Variants in KRCC1 observed in about 807,000 individuals in gnomAD.
The protein encoded by KRCC1 is lysine-rich coiled-coil protein 1.
KRCC1 carries 3 observed loss-of-function variants against 7.4 expected under a neutral mutation model. That is an observed-to-expected ratio of 0.40 (90% CI 0.18 to 1.04). The LOEUF is 1.04. KRCC1 is among the 50% of genes least tolerant of loss of function. KRCC1 has a pLI of 0.33. For missense variants in KRCC1, 277 were observed against 300.9 expected, an observed-to-expected ratio of 0.92 and a Z score of 0.59; for synonymous variants, 102 against 101.6, an observed-to-expected ratio of 1.00 and a Z score of -0.02.
At chr2:88,040,467 T>C (rs1026496114) in intron 1 of KRCC1, among the ~76,000 whole-genome samples, 2 of 152,292 alleles carry the variant, frequency 1.3e-5, no homozygotes, top group East Asian at 3.9e-4. Context: ...TGGGAAAGGA[T>C]AGGAAAAAAG....
At chr2:88,051,809 G>A (rs116794294) in intron 1 of KRCC1, among the ~76,000 whole-genome samples, 4,590 of 152,332 alleles carry the variant, frequency 0.03, 98 homozygotes, top group Middle Eastern at 0.071. Flanking sequence ...TCAAGCCATG[G>A]AAAGAATACC....
At chr2:88,043,303 A>G (rs1325447078) in intron 1 of KRCC1, among the ~76,000 whole-genome samples, 2 of 152,236 alleles carry the variant, frequency 1.3e-5, no homozygotes, top group Admixed American at 1.3e-4. Flanking sequence ...TTAACAACTC[A>G]TGAACTTCTT....
chr2:88,052,847 T>C (rs1673526231), intron 1 of KRCC1, among the ~76,000 whole-genome samples: 1 of 152,230 alleles, frequency 6.6e-6, no homozygotes, highest in South Asian at 2.1e-4. Context: ...CTACAAAGTG[T>C]TGTCATGTTT....
intron 1 of KRCC1, among the ~76,000 whole-genome samples, chr2:88,049,398 C>T (rs909702401): frequency 2.6e-5 from 4 of 152,036 alleles, no homozygotes; most frequent in Non-Finnish European, 5.9e-5. Flanking sequence ...TCAATGCTTA[C>T]GTCCTTGGGA....
rs972061963 is a variant in KRCC1 at position 88,055,765 on chromosome 2, G to A, written c.-430C>T. 6.5e-6 allele frequency: 1 copy of A among 154,012 alleles called. No individual in the cohort carries two copies. Among genetic ancestry groups the A allele is most frequent in the African/African-American group, 2.4e-5 (1 of 41,488 alleles). The allele number at this position is 154,012 out of a possible 1,614,324, so 9.5% of individuals were successfully genotyped here. On this transcript the variant is annotated 5_prime_UTR_variant, in exon 1 of 4. Coordinates refer to ENST00000347055, the MANE Select transcript of KRCC1 (RefSeq NM_016618.3). ...CCACCGCCGCCTCCGCCGCCGAGCA[G>A]GCTGGATGGGAGGAGGAGGCGGAGA...
At chr2:88,029,839 A>T (rs191933692) in intron 3 of KRCC1, among the ~76,000 whole-genome samples, 2,151 of 77,878 alleles carry the variant, frequency 0.028, 36 homozygotes, top group East Asian at 0.11. Flanking sequence ...TATATAAAAA[A>T]ATATATATAT....
chr2:88,047,173 T>C (rs1203664706), intron 1 of KRCC1, among the ~76,000 whole-genome samples: 1 of 152,250 alleles, frequency 6.6e-6, no homozygotes, highest in Non-Finnish European at 1.5e-5. Flanking sequence ...TCTACCTACC[T>C]TTTAGAAACA....
intron 1 of KRCC1, among the ~76,000 whole-genome samples, chr2:88,048,953 G>A (rs144837268): frequency 6.6e-6 from 1 of 152,274 alleles, no homozygotes; most frequent in African/African-American, 2.4e-5. Flanking sequence ...TAACAATGCA[G>A]CCCAATACCT....
chr2:88,041,375 T>C (rs1673207198), intron 1 of KRCC1, among the ~76,000 whole-genome samples: 1 of 152,220 alleles, frequency 6.6e-6, no homozygotes, highest in Non-Finnish European at 1.5e-5. Context: ...GGGAGTGGAA[T>C]GAATAAGCAT....
At chr2:88,029,387 C>T (rs1440193264) in intron 3 of KRCC1, among the ~76,000 whole-genome samples, 2 of 152,094 alleles carry the variant, frequency 1.3e-5, no homozygotes, top group Non-Finnish European at 2.9e-5. Flanking sequence ...TACTGTAAGA[C>T]TTAACAATAA....
chr2:88,031,365 G>C (rs955552737), intron 3 of KRCC1, among the ~76,000 whole-genome samples: 3 of 152,184 alleles, frequency 2.0e-5, no homozygotes, highest in African/African-American at 7.2e-5. Flanking sequence ...GCCCATGCCT[G>C]TAATCCCAGA....
chr2:88,032,011 G>C (rs1204319504), intron 3 of KRCC1, among the ~76,000 whole-genome samples: 1 of 151,676 alleles, frequency 6.6e-6, no homozygotes, highest in Non-Finnish European at 1.5e-5. Context: ...GGTGTGGTGT[G>C]GGCACCTGTA....
intron 1 of KRCC1, among the ~76,000 whole-genome samples, chr2:88,037,802 C>T (rs1398453658): frequency 6.6e-6 from 1 of 152,172 alleles, no homozygotes; most frequent in African/African-American, 2.4e-5. Context: ...CAGACAAGCC[C>T]TTCAAAGCTA....
At position 88,027,960 on chromosome 2, in the gene KRCC1, C is replaced by A. The variant is rs1352991947; in HGVS notation, c.604G>T (p.Val202Leu). 6.2e-7 allele frequency: 1 copy of A among 1,613,562 alleles called. No individual in the cohort carries two copies. The highest frequency in any genetic ancestry group is 1.1e-5 in the South Asian group (1 of 90,998). Residue 202 changes from valine to leucine, a missense_variant, in exon 4 of 4, where the codon GTG (valine) becomes TTG (leucine). Transcript: ENST00000347055. The part of the protein sequence containing the change: ...HKSIQRKKTE[V>L]EIETVHVSTE... ...CTGACATGTACGGTTTCTATTTCCA[C>A]CTCTGTTTTCTTTCTTTGGATGCTC...
At chr2:88,036,455 A>G (rs1673092647) in intron 2 of KRCC1, among the ~76,000 whole-genome samples, 1 of 148,390 alleles carries the variant, frequency 6.7e-6, no homozygotes, top group South Asian at 2.1e-4. Context: ...TTCTTCATCT[A>G]TAAACTAAGG....
At chr2:88,032,430 A>G (rs774932645) in intron 3 of KRCC1, among the ~76,000 whole-genome samples, 2 of 152,190 alleles carry the variant, frequency 1.3e-5, no homozygotes, top group South Asian at 2.1e-4. Context: ...GTATAGTAAC[A>G]TGCTGTACAG....
Position 88,027,988 on chromosome 2 carries a change from G to T in KRCC1, c.576C>A (p.His192Gln), listed in dbSNP as rs780579757. The T allele has an allele frequency of 8.1e-6, 13 of 1,613,610 alleles. No individual in the cohort carries two copies. Among genetic ancestry groups the T allele is most frequent in the Non-Finnish European group, 1.1e-5 (13 of 1,179,978 alleles). ...KSCEEIDLDK[H>Q]KSIQRKKTEV... ...CTGTTTTCTTTCTTTGGATGCTCTT[G>T]TGTTTGTCTAAGTCAATTTCCTCGC... The change falls in exon 4 of 4, where the codon CAC (histidine) becomes CAA (glutamine). Residue 192 changes from histidine (H) to glutamine (Q), a missense_variant. By Grantham distance (24) the His-to-Gln change is conservative. Coordinates refer to ENST00000347055, the MANE Select transcript of KRCC1 (RefSeq NM_016618.3).
At chr2:88,049,426 C>T (rs1385738836) in intron 1 of KRCC1, among the ~76,000 whole-genome samples, 1 of 152,046 alleles carries the variant, frequency 6.6e-6, no homozygotes, top group Non-Finnish European at 1.5e-5. Flanking sequence ...GTAGGTGGAT[C>T]GTTTGAGTCC....
Position 88,032,479 on chromosome 2 carries a change from T to C in KRCC1, c.-23+1655A>G, listed in dbSNP as rs146655566. Among the ~76,000 whole-genome samples, 17 of 152,316 alleles carry C rather than the reference T, an allele frequency of 1.1e-4. No homozygotes were observed. The East Asian group carries it at 3.3e-3, about 29-fold the overall frequency. ...GAGCAATAGGCTATATCATATAGCC[T>C]GGGTGTGTAGTAAGTTATACCATCA... is the stretch of plus-strand genomic sequence containing the variant. On this transcript the variant is annotated intron_variant, in intron 3 of 3. Coordinates refer to ENST00000347055, the MANE Select transcript of KRCC1 (RefSeq NM_016618.3).
Sources: allele counts gnomAD v4.1 joint callset (sites outside exome capture counted in the v4.1 genomes callset), GRCh38; gene constraint gnomAD v4.1.1; transcripts MANE v1.5; gene names NCBI Gene and HGNC (gene_info 2026-07-23, HGNC 2026-07-21).